Variants in ARMH4 observed in about 807,000 individuals in gnomAD.
The protein encoded by ARMH4 is armadillo like helical domain containing 4.
In ARMH4, 49 loss-of-function variants were observed where a neutral mutation model predicts 61.9. The observed-to-expected ratio is 0.79, with a 90% confidence interval of 0.63 to 1.00. The LOEUF is 1.00. ARMH4 is among the 50% of genes least tolerant of loss of function. The pLI, the probability that ARMH4 is intolerant of heterozygous loss-of-function variation, is 0.00. For missense variants in ARMH4, 934 were observed against 930.0 expected, an observed-to-expected ratio of 1.00 and a Z score of -0.06; for synonymous variants, 368 against 341.5, an observed-to-expected ratio of 1.08 and a Z score of -0.85.
chr14:58,146,959 C>G (rs1183008378), intron 1 of ARMH4, among the ~76,000 whole-genome samples: 1 of 152,134 alleles, frequency 6.6e-6, no homozygotes, highest in Non-Finnish European at 1.5e-5. Flanking sequence ...TAGAGTGTGC[C>G]AAGAAACTGG....
chr14:58,015,754 T>G (rs928311063), intron 5 of ARMH4, among the ~76,000 whole-genome samples: 40 of 136,262 alleles, frequency 2.9e-4, no homozygotes, highest in African/African-American at 1.0e-3. Flanking sequence ...TATTTTTAGT[T>G]AAAAAAAAAA....
In ARMH4 at chr14:58,073,276, A is replaced by T. The variant is rs116938655; in HGVS notation, c.2089+23448T>A. On this transcript the variant is annotated intron_variant, in intron 5 of 7. Transcript: ENST00000267485. The stretch of plus-strand genomic sequence containing the variant: ...TTATGCCATTTTTAAAAAATAAAAA[A>T]CTGTTGTTTTTCTAGTGTCCCTTGT... Among the ~76,000 whole-genome samples, 312 of 152,244 alleles carry T rather than the reference A, an allele frequency of 2.0e-3. 5 individuals are homozygous for T. The East Asian group carries it at 0.034, about 17-fold the overall frequency.
intron 1 of ARMH4, among the ~76,000 whole-genome samples, chr14:58,143,088 C>T (rs1887618746): frequency 1.3e-5 from 2 of 152,178 alleles, no homozygotes; most frequent in Admixed American, 6.5e-5. Context: ...CATAACCACA[C>T]AGCTAAGTTA....
At chr14:58,025,441 T>A (rs1222784292) in intron 5 of ARMH4, among the ~76,000 whole-genome samples, 2 of 152,176 alleles carry the variant, frequency 1.3e-5, no homozygotes, top group East Asian at 3.9e-4. Context: ...GGAAACCTGA[T>A]TGTTATCTTA....
chr14:58,005,019 A>T, intron 7 of ARMH4, 29 bp downstream of exon 7: 3 of 1,613,576 alleles, frequency 1.9e-6, no homozygotes, highest in Non-Finnish European at 2.5e-6. Flanking sequence ...TCTGAAACTG[A>T]TTAGGTTTTG....
At chr14:58,145,963 A>G (rs1230839651) in intron 1 of ARMH4, among the ~76,000 whole-genome samples, 1 of 152,268 alleles carries the variant, frequency 6.6e-6, no homozygotes, top group Non-Finnish European at 1.5e-5. Context: ...GTATAGGTTC[A>G]TGTAGTCACT....
chr14:58,131,983 T>C (rs931021112), intron 3 of ARMH4, among the ~76,000 whole-genome samples: 1 of 152,240 alleles, frequency 6.6e-6, no homozygotes, highest in East Asian at 1.9e-4. Flanking sequence ...CTCCCATTTA[T>C]TCTATTGGCA....
intron 5 of ARMH4, among the ~76,000 whole-genome samples, chr14:58,036,329 C>A (rs62003306): frequency 2.8e-4 from 22 of 78,564 alleles, no homozygotes; most frequent in East Asian, 1.7e-3. Context: ...ATGCAGAAAA[C>A]GCCTTTGACA....
At chr14:58,099,321 C>G (rs1331174113) in intron 4 of ARMH4, among the ~76,000 whole-genome samples, 2 of 151,920 alleles carry the variant, frequency 1.3e-5, no homozygotes, top group African/African-American at 4.8e-5. Flanking sequence ...GCAAAGCCAC[C>G]ACTTAGAGGG....
intron 5 of ARMH4, among the ~76,000 whole-genome samples, chr14:58,026,222 T>C (rs1194098788): frequency 6.6e-6 from 1 of 152,138 alleles, no homozygotes; most frequent in African/African-American, 2.4e-5. Flanking sequence ...TATCCCTCAA[T>C]GTGTCTTCCT....
At chr14:58,007,097 C>A (rs1210734807) in intron 6 of ARMH4, among the ~76,000 whole-genome samples, 1 of 152,144 alleles carries the variant, frequency 6.6e-6, no homozygotes, top group Non-Finnish European at 1.5e-5. Flanking sequence ...TGACCATTCC[C>A]AGTGTATGGA....
chr14:58,011,709 A>G (rs1454070811), intron 6 of ARMH4, among the ~76,000 whole-genome samples: 1 of 151,822 alleles, frequency 6.6e-6, no homozygotes, highest in African/African-American at 2.4e-5. Context: ...CAGCTAATCA[A>G]TACCTACTAA....
At chr14:58,013,201 T>C (rs1305049073) in intron 5 of ARMH4, among the ~76,000 whole-genome samples, 1 of 152,214 alleles carries the variant, frequency 6.6e-6, no homozygotes, top group East Asian at 1.9e-4. Context: ...ATCTCAGGTT[T>C]TGCAGAGCGT....
intron 4 of ARMH4, 82 bp from the exon 5 acceptor site, chr14:58,097,063 A>G: frequency 7.1e-7 from 1 of 1,414,278 alleles, no homozygotes; most frequent in South Asian, 1.2e-5. Flanking sequence ...AATGATCCAA[A>G]CACTACAAAA....
intron 5 of ARMH4, among the ~76,000 whole-genome samples, chr14:58,043,655 A>C (rs1168385031): frequency 6.6e-6 from 1 of 152,214 alleles, no homozygotes; most frequent in Non-Finnish European, 1.5e-5. Flanking sequence ...GGAAAAGAGG[A>C]AGTCCAATTG....
chr14:58,053,778 C>A (rs146183902), intron 5 of ARMH4, among the ~76,000 whole-genome samples: 1 of 152,158 alleles, frequency 6.6e-6, no homozygotes, highest in Non-Finnish European at 1.5e-5. Context: ...TAAGGATCCT[C>A]GCCTCGCCTC....
chr14:58,148,107 T>C (rs779983010), intron 1 of ARMH4, among the ~76,000 whole-genome samples: 1 of 152,160 alleles, frequency 6.6e-6, no homozygotes, highest in Non-Finnish European at 1.5e-5. Flanking sequence ...TACAGTGCAG[T>C]GGCATGATCT....
intron 5 of ARMH4, among the ~76,000 whole-genome samples, chr14:58,012,675 A>T (rs1431261848): frequency 2.0e-5 from 3 of 152,246 alleles, no homozygotes; most frequent in African/African-American, 7.2e-5. Context: ...GGCAAGAATA[A>T]GAAGTATTTC....
chr14:58,079,700 A>G (rs552245938), intron 5 of ARMH4, among the ~76,000 whole-genome samples: 60 of 152,338 alleles, frequency 3.9e-4, no homozygotes, highest in Non-Finnish European at 6.9e-4. Flanking sequence ...CTGAATAAGT[A>G]GGTACTTGGA....
Sources: allele counts gnomAD v4.1 joint callset (sites outside exome capture counted in the v4.1 genomes callset), GRCh38; gene constraint gnomAD v4.1.1; transcripts MANE v1.5; gene names NCBI Gene and HGNC (gene_info 2026-07-23, HGNC 2026-07-21).